Variants in ANKRD27 observed in about 807,000 individuals in gnomAD.
ANKRD27 encodes ankyrin repeat domain 27.
In ANKRD27, 112 loss-of-function variants were observed where a neutral mutation model predicts 129.7. The observed-to-expected ratio is 0.86, with a 90% CI of 0.74 to 1.01. The LOEUF is 1.01. Ranked by LOEUF, ANKRD27 falls within the 50% of genes least tolerant of loss-of-function variation. The pLI, the probability that ANKRD27 is intolerant of heterozygous loss-of-function variation, is 0.00. For missense variants in ANKRD27, 1,258 were observed against 1,300.5 expected (o/e 0.97, Z 0.50); for synonymous variants, 516 against 511.2 (o/e 1.01, Z -0.13).
intron 3 of ANKRD27, 50 bp downstream of exon 3, chr19:32,649,632 C>T: frequency 7.8e-7 from 1 of 1,274,444 alleles, no homozygotes; most frequent in African/African-American, 1.5e-5. Context: ...TCCCCTCTGG[C>T]CCCAAACACC....
chr19:32,674,156 C>T (rs1967931064), intron 1 of ANKRD27, among the ~76,000 whole-genome samples: 1 of 151,186 alleles, frequency 6.6e-6, no homozygotes, highest in African/African-American at 2.4e-5. Flanking sequence ...GACCCTGTCT[C>T]AAAAAGAAAA....
intron 13 of ANKRD27, 112 bp from the exon 14 acceptor site, chr19:32,628,961 C>T (rs1966941358): frequency 7.9e-7 from 1 of 1,262,022 alleles, no homozygotes; most frequent in African/African-American, 1.5e-5. Flanking sequence ...CGTCCTGTCG[C>T]CCAGGCTGGA....
chr19:32,608,711 A>G (rs1038406813), intron 22 of ANKRD27, among the ~76,000 whole-genome samples: 4 of 152,112 alleles, frequency 2.6e-5, no homozygotes, highest in Non-Finnish European at 5.9e-5. Flanking sequence ...CAACACTTTG[A>G]GAGTCCGAGG....
Position 32,640,329 on chromosome 19 carries a change from C to A in ANKRD27, c.961G>T (p.Val321Leu), listed in dbSNP as rs764065816. 6.2e-7 allele frequency: 1 copy of A among 1,613,794 alleles called. No individual in the cohort carries two copies. Among genetic ancestry groups the A allele is most frequent in the Non-Finnish European group, 8.5e-7 (1 of 1,179,766 alleles). The change falls in exon 11 of 29, where the codon GTG (valine) becomes TTG (leucine). Residue 321 changes from valine (V) to leucine (L), a missense_variant. Transcript: ENST00000306065. ...DLLSVLLYLL[V>L]KTEIPNWMAN... ...TACCAATTAGGGATCTCCGTTTTCA[C>A]AAGCAAGTATAACAGGACTGATAGC...
At chr19:32,636,757 C>T (rs1411742142) in intron 12 of ANKRD27, among the ~76,000 whole-genome samples, 7 of 149,528 alleles carry the variant, frequency 4.7e-5, no homozygotes, top group Admixed American at 4.0e-4. Context: ...TATATATATA[C>T]ACATATTTGA....
chr19:32,664,796 A>T (rs972267764), intron 1 of ANKRD27, among the ~76,000 whole-genome samples: 1 of 148,458 alleles, frequency 6.7e-6, no homozygotes, highest in Non-Finnish European at 1.5e-5. Flanking sequence ...AAAATACAAA[A>T]ATTAGCCAGG....
intron 20 of ANKRD27, among the ~76,000 whole-genome samples, chr19:32,618,682 G>C (rs1057387989): frequency 1.3e-5 from 2 of 152,046 alleles, no homozygotes; most frequent in Admixed American, 6.6e-5. Flanking sequence ...GGTCAGTGAG[G>C]GTTCAGCACC....
intron 22 of ANKRD27, among the ~76,000 whole-genome samples, chr19:32,612,515 G>A (rs1219349738): frequency 3.3e-5 from 5 of 152,194 alleles, no homozygotes; most frequent in Non-Finnish European, 7.3e-5. Flanking sequence ...TCCTGGCAAA[G>A]AAGAATAAAT....
At position 32,602,041 on chromosome 19, in the gene ANKRD27, T is replaced by C. The variant is rs760175601; in HGVS notation, c.2741A>G (p.Tyr914Cys). ...TTTTTTCCTGATCTTAACAGTGACA[T>C]ACTCCTTGCGGTCAGTTTCAGCCAC... ...DDVAETDRKEYVTVKIRKKWN... is the reference protein window; with the variant it reads ...DDVAETDRKECVTVKIRKKWN... The change falls in exon 26 of 29, where the codon TAT becomes TGT. Residue 914 changes from tyrosine to cysteine, a missense_variant. Transcript: ENST00000306065. The C allele has an allele frequency of 6.2e-7, 1 of 1,613,624 alleles. No homozygotes were observed. The highest frequency in any genetic ancestry group is 1.3e-5 in the African/African-American group (1 of 74,914).
intron 2 of ANKRD27, among the ~76,000 whole-genome samples, chr19:32,652,858 G>T (rs1428689880): frequency 1.3e-5 from 2 of 152,202 alleles, no homozygotes; most frequent in African/African-American, 4.8e-5. Context: ...AGTCCAGGAG[G>T]TGGAGGTTGC....
rs1971970857 is a variant in ANKRD27 at position 32,619,297 on chromosome 19, C to G, written c.1970G>C (p.Ser657Thr). 2 of 1,613,794 alleles carry G rather than the reference C, an allele frequency of 1.2e-6. No individual in the cohort carries two copies. The highest frequency in any genetic ancestry group is 1.3e-5 in the African/African-American group (1 of 74,936). Residue 657 changes from serine to threonine, a missense_variant, in exon 20 of 29, where the codon AGC becomes ACC. Transcript: ENST00000306065. ...STSSFSSMSA[S>T]SRQEETKKDY... Reference sequence around the variant, plus strand: ...CTTCTTGGTCTCCTCCTGCCTTGAGCTGGCTGACATGGAGGAGAAGCTGGA... The same window carrying G: ...CTTCTTGGTCTCCTCCTGCCTTGAGGTGGCTGACATGGAGGAGAAGCTGGA...
chr19:32,656,111 A>AAAGAAAGAAAG (rs1568417831), intron 2 of ANKRD27, among the ~76,000 whole-genome samples: 16 of 111,360 alleles, frequency 1.4e-4, no homozygotes, highest in African/African-American at 5.6e-4. Context: ...AAGAAAGAAA[A>AAAGAAAGAAAG]GAAAAGAAAA....
rs568212280 is a variant in ANKRD27, at chr19:32,615,671, G to A, written c.2162C>T (p.Ala721Val). The A allele has an allele frequency of 1.9e-6, 3 of 1,614,154 alleles. No homozygotes were observed. The East Asian group carries it at 6.7e-5, about 36-fold the overall frequency. ...ACAAAGCCAAACCTTCTGAGCTGGG[G>A]CACACTTGGGGCACTGGCACAACGG... ...CHPLCQCPKC[A>V]PAQKRLAKVP... The change falls in exon 22 of 29, where the codon GCC becomes GTC. Residue 721 changes from alanine (A) to valine (V), a missense_variant. Ala to Val is a moderately conservative substitution (Grantham distance 64). Transcript: ENST00000306065.
chr19:32,639,961 G>A (rs1967163928), intron 11 of ANKRD27, among the ~76,000 whole-genome samples: 2 of 151,980 alleles, frequency 1.3e-5, no homozygotes, highest in South Asian at 2.1e-4. Context: ...ACAGTGCAGT[G>A]CTGCCATTTT....
intron 12 of ANKRD27, among the ~76,000 whole-genome samples, chr19:32,631,953 GGAGA>G (rs1446203889): frequency 6.6e-6 from 1 of 152,222 alleles, no homozygotes; most frequent in Non-Finnish European, 1.5e-5. Flanking sequence ...TCAACCAGCA[GGAGA>G]GAGAGGGGTC....
chr19:32,605,580 C>T (rs930683926), intron 24 of ANKRD27, among the ~76,000 whole-genome samples: 4 of 152,316 alleles, frequency 2.6e-5, no homozygotes, highest in Non-Finnish European at 5.9e-5. Context: ...CATTCCCGGT[C>T]GGTGAGGTGA....
intron 4 of ANKRD27, among the ~76,000 whole-genome samples, chr19:32,645,106 A>T (rs2145303449): frequency 6.6e-6 from 1 of 152,288 alleles, no homozygotes; most frequent in African/African-American, 2.4e-5. Flanking sequence ...CATGATGTTT[A>T]ACCTTTTTTA....
chr19:32,637,075 A>G (rs1443669728), intron 12 of ANKRD27, among the ~76,000 whole-genome samples: 1 of 152,140 alleles, frequency 6.6e-6, no homozygotes, highest in Non-Finnish European at 1.5e-5. Context: ...TCAATTATGT[A>G]AAATATACAT....
At chr19:32,599,941 G>A (rs746995939) in intron 27 of ANKRD27, 31 bp downstream of exon 27, 3 of 1,588,010 alleles carry the variant, frequency 1.9e-6, no homozygotes, top group Non-Finnish European at 2.6e-6. Flanking sequence ...AGGGGCAAAA[G>A]CACAGAAATC....
Sources: gnomAD v4.1 joint callset for allele counts (sites outside exome capture counted in the v4.1 genomes callset) on GRCh38, gnomAD v4.1.1 for gene constraint, MANE v1.5 for transcripts, NCBI Gene and HGNC (gene_info 2026-07-23, HGNC 2026-07-21) for gene names.